The following TOX variants were observed in gnomAD, a reference collection of about 807,000 sequenced individuals.
The protein encoded by TOX is thymocyte selection associated high mobility group box.
In TOX, 11 loss-of-function variants were observed where a neutral mutation model predicts 53.7. That is an observed-to-expected ratio of 0.20 (90% confidence interval 0.13 to 0.34). TOX has a LOEUF of 0.34. TOX is among the 10% of genes least tolerant of loss of function. The pLI, the probability that TOX is intolerant of heterozygous loss-of-function variation, is 1.00. For missense variants in TOX, 570 were observed against 664.6 expected (o/e 0.86, Z 1.56); for synonymous variants, 225 against 245.3 (o/e 0.92, Z 0.77).
At chr8:59,061,740 A>G (rs1487068340) in intron 1 of TOX, among the ~76,000 whole-genome samples, 1 of 151,904 alleles carries the variant, frequency 6.6e-6, no homozygotes, top group Non-Finnish European at 1.5e-5. Flanking sequence ...TCTAGTAGCA[A>G]GAAACTCAGA....
At chr8:58,832,674 T>C (rs1437224962) in intron 5 of TOX, among the ~76,000 whole-genome samples, 1 of 152,162 alleles carries the variant, frequency 6.6e-6, no homozygotes, top group Non-Finnish European at 1.5e-5. Flanking sequence ...AGGCTCATAA[T>C]TGAAGCAAAT....
At chr8:58,808,318 A>G (rs1238302398) in intron 7 of TOX, 49 bp from the exon 8 acceptor site, 1 of 1,567,484 alleles carries the variant, frequency 6.4e-7, no homozygotes, top group Admixed American at 1.9e-5. Context: ...GCATTTTAAG[A>G]AGAAAAGCAC....
At chr8:59,113,951 C>G (rs1805061636) in intron 1 of TOX, among the ~76,000 whole-genome samples, 1 of 152,194 alleles carries the variant, frequency 6.6e-6, no homozygotes, top group Admixed American at 6.5e-5. Flanking sequence ...GTGCTCCCCA[C>G]TACCTTCGTC....
At chr8:59,003,282 G>T (rs1368998707) in intron 1 of TOX, among the ~76,000 whole-genome samples, 5 of 152,148 alleles carry the variant, frequency 3.3e-5, no homozygotes, top group African/African-American at 1.2e-4. Context: ...AGTTACTTAT[G>T]TATGAGTTAT....
chr8:59,014,391 A>G (rs879440148), intron 1 of TOX, among the ~76,000 whole-genome samples: 18 of 152,142 alleles, frequency 1.2e-4, no homozygotes, highest in Non-Finnish European at 2.6e-4. Context: ...GATCATTTAA[A>G]TTTTTCCTGT....
At chr8:59,102,973 T>G (rs1037583360) in intron 1 of TOX, among the ~76,000 whole-genome samples, 1 of 152,204 alleles carries the variant, frequency 6.6e-6, no homozygotes, top group Non-Finnish European at 1.5e-5. Flanking sequence ...ATGTTAGGTT[T>G]TCTATTAATG....
At chr8:58,945,034 A>G (rs1812504946) in intron 2 of TOX, among the ~76,000 whole-genome samples, 1 of 152,200 alleles carries the variant, frequency 6.6e-6, no homozygotes. Flanking sequence ...GAATAAAAAG[A>G]TGGTGGGGAA....
intron 3 of TOX, among the ~76,000 whole-genome samples, chr8:58,878,344 T>C (rs765587): frequency 0.2 from 31,171 of 152,174 alleles, 3,553 homozygotes; most frequent in African/African-American, 0.29. Context: ...AGCATACTTT[T>C]TTAAAATTCC....
chr8:59,046,402 A>G (rs1216419165), intron 1 of TOX, among the ~76,000 whole-genome samples: 1 of 152,240 alleles, frequency 6.6e-6, no homozygotes, highest in Non-Finnish European at 1.5e-5. Context: ...CCCAAGCTGC[A>G]TTAACACTTT....
intron 1 of TOX, among the ~76,000 whole-genome samples, chr8:59,116,440 T>C (rs894634187): frequency 6.6e-6 from 1 of 152,250 alleles, no homozygotes; most frequent in Non-Finnish European, 1.5e-5. Context: ...AATCCACTCA[T>C]GTCATTGCAA....
At chr8:59,048,208 T>G (rs192666304) in intron 1 of TOX, among the ~76,000 whole-genome samples, 1 of 152,274 alleles carries the variant, frequency 6.6e-6, no homozygotes, top group African/African-American at 2.4e-5. Flanking sequence ...GAAAATATCT[T>G]TATATCCTGG....
At chr8:59,063,426 CTT>C (rs35219789) in intron 1 of TOX, among the ~76,000 whole-genome samples, 37 of 123,764 alleles carry the variant, frequency 3.0e-4, no homozygotes, top group East Asian at 7.7e-4. Context: ...AGGATATAGA[CTT>C]TTTTTTTTTT....
chr8:59,096,799 C>T (rs1804717844), intron 1 of TOX, among the ~76,000 whole-genome samples: 1 of 152,060 alleles, frequency 6.6e-6, no homozygotes, highest in African/African-American at 2.4e-5. Context: ...TGGCGTCCTC[C>T]CATCATCTCT....
At chr8:59,061,005 A>C (rs996998862) in intron 1 of TOX, among the ~76,000 whole-genome samples, 6 of 152,218 alleles carry the variant, frequency 3.9e-5, no homozygotes, top group Admixed American at 3.9e-4. Context: ...CTTCCCTTGT[A>C]TCACTCCCTA....
At chr8:58,911,358 A>G (rs558166640) in intron 3 of TOX, among the ~76,000 whole-genome samples, 5 of 152,232 alleles carry the variant, frequency 3.3e-5, no homozygotes, top group Non-Finnish European at 5.9e-5. Context: ...ATATCTACAT[A>G]TAATTGGAAA....
At chr8:58,903,269 A>T (rs1487713808) in intron 3 of TOX, among the ~76,000 whole-genome samples, 1 of 152,148 alleles carries the variant, frequency 6.6e-6, no homozygotes, top group African/African-American at 2.4e-5. Context: ...TGATATTACA[A>T]ATGTGTAGTG....
chr8:58,814,850 G>A (rs1006954447), intron 7 of TOX, among the ~76,000 whole-genome samples: 1 of 152,094 alleles, frequency 6.6e-6, no homozygotes, highest in African/African-American at 2.4e-5. Context: ...GGACTTTCAG[G>A]GTTCTACCAG....
chr8:59,115,300 C>T (rs1419446185), intron 1 of TOX, among the ~76,000 whole-genome samples: 1 of 152,140 alleles, frequency 6.6e-6, no homozygotes, highest in Non-Finnish European at 1.5e-5. Flanking sequence ...TAACTGAACA[C>T]ATCACATCGT....
chr8:58,987,895 T>C (rs1813362794), intron 1 of TOX, among the ~76,000 whole-genome samples: 1 of 152,136 alleles, frequency 6.6e-6, no homozygotes, highest in Admixed American at 6.5e-5. Context: ...GGACTTCTTC[T>C]GAAGCATTTC....
Sources: gnomAD v4.1 joint callset for allele counts (sites outside exome capture counted in the v4.1 genomes callset) on GRCh38, gnomAD v4.1.1 for gene constraint, MANE v1.5 for transcripts, NCBI Gene and HGNC (gene_info 2026-07-23, HGNC 2026-07-21) for gene names.